Variants in TTI1 observed in about 807,000 individuals in gnomAD.
The protein encoded by TTI1 is TELO2 interacting protein 1, also known as TELO2-interacting protein 1 homolog.
TTI1 carries 52 observed loss-of-function variants against 85.4 expected under a neutral mutation model. That is an observed-to-expected ratio of 0.61 (90% CI 0.49 to 0.77). TTI1 has a LOEUF of 0.77. TTI1 is among the 30% of genes least tolerant of loss of function. The pLI is 0.00. For missense variants in TTI1, 1,173 were observed against 1,296.0 expected, an observed-to-expected ratio of 0.91 and a Z score of 1.46; for synonymous variants, 512 against 503.9, an observed-to-expected ratio of 1.02 and a Z score of -0.22.
chr20:37,998,040 C>G (rs897809940), intron 5 of TTI1, among the ~76,000 whole-genome samples: 20 of 152,278 alleles, frequency 1.3e-4, no homozygotes, highest in African/African-American at 4.8e-4. Context: ...AGCAATTCTC[C>G]TGCCTCAGCC....
At chr20:38,024,045 C>T (rs1472563027) in intron 1 of TTI1, among the ~76,000 whole-genome samples, 1 of 152,138 alleles carries the variant, frequency 6.6e-6, no homozygotes, top group Non-Finnish European at 1.5e-5. Context: ...TTGTATTACA[C>T]TAATACTATG....
chr20:38,001,409 A>G (rs1218335277), intron 4 of TTI1, among the ~76,000 whole-genome samples: 1 of 152,182 alleles, frequency 6.6e-6, no homozygotes, highest in Admixed American at 6.5e-5. Flanking sequence ...GATGTTCTTA[A>G]TAATTATGGT....
chr20:38,013,945 C>G, intron 1 of TTI1, 88 bp from the exon 2 acceptor site: 1 of 1,401,738 alleles, frequency 7.1e-7, no homozygotes, highest in African/African-American at 1.4e-5. Context: ...AGACATTTAC[C>G]TGGGGTCTAT....
chr20:37,983,558 T>C lies in TTI1; in HGVS notation c.3168A>G (p.Thr1056=). The part of the protein sequence containing the change: ...LNELYCPVQF[T]PPHPSLHPVQ... ...CAGGGTGGAGGCTGGGGTGGGGAGG[T>C]GTGAACTGCACGGGGCAGTAAAGCT... The change falls in exon 8 of 8, where the codon ACA becomes ACG. Residue 1056 remains threonine, a synonymous_variant. Transcript: ENST00000373447. The C allele has an allele frequency of 6.2e-7, 1 of 1,608,280 alleles. No individual in the cohort carries two copies. The highest frequency in any genetic ancestry group is 1.3e-5 in the African/African-American group (1 of 74,622).
rs924741230 is a variant in TTI1 at position 38,013,559 on chromosome 20, A to G, written c.258T>C (p.Cys86=). ...CCTGGAGAAGCTCCTGTTCTTTCAC[A>G]CATGTTGAAGAAAGGACAAATGTGA... The part of the protein sequence containing the change: ...ECLTFVLSST[C]VKEQELLQEL... Residue 86 remains cysteine, a synonymous_variant, in exon 2 of 8, where the codon TGT becomes TGC. Coordinates refer to ENST00000373447, the MANE Select transcript of TTI1 (RefSeq NM_001303457.2). 9 of 1,614,206 alleles carry G rather than the reference A, an allele frequency of 5.6e-6. No homozygotes were observed. The highest frequency in any genetic ancestry group is 1.3e-5 in the African/African-American group (1 of 75,038).
intron 2 of TTI1, among the ~76,000 whole-genome samples, chr20:38,006,965 T>C (rs998060349): frequency 2.6e-5 from 4 of 152,242 alleles, no homozygotes; most frequent in Admixed American, 6.5e-5. Flanking sequence ...CAATCATTTT[T>C]GTATGACAGG....
At chr20:38,020,323 A>AAAATATATATATATATATATATATAT in intron 1 of TTI1, among the ~76,000 whole-genome samples, 5 of 50,380 alleles carry the variant, frequency 9.9e-5, no homozygotes, top group African/African-American at 1.8e-4. Context: ...AAAAAAAAAA[A>AAAATATATATATATATATATATATAT]ATATATATAT....
At chr20:38,024,439 C>A (rs534139383) in intron 1 of TTI1, among the ~76,000 whole-genome samples, 4 of 152,030 alleles carry the variant, frequency 2.6e-5, no homozygotes, top group Non-Finnish European at 5.9e-5. Flanking sequence ...GACCCCAGAA[C>A]CTGGGGAGTG....
chr20:38,002,340 TA>T (rs1285643962), intron 4 of TTI1, among the ~76,000 whole-genome samples: 1 of 152,174 alleles, frequency 6.6e-6, no homozygotes, highest in African/African-American at 2.4e-5. Flanking sequence ...GCTGAGAAAA[TA>T]ATATCCTTTC....
chr20:38,007,812 G>A (rs1468735288), intron 2 of TTI1, among the ~76,000 whole-genome samples: 3 of 152,228 alleles, frequency 2.0e-5, no homozygotes, highest in Admixed American at 2.0e-4. Context: ...GTGTGAGCCG[G>A]AGGTTCCTAC....
intron 1 of TTI1, among the ~76,000 whole-genome samples, chr20:38,025,270 A>C (rs2073821855): frequency 6.6e-6 from 1 of 152,180 alleles, no homozygotes; most frequent in South Asian, 2.1e-4. Flanking sequence ...ACTCAGACTG[A>C]ATGAAAAAAG....
intron 5 of TTI1, among the ~76,000 whole-genome samples, chr20:37,998,779 G>T (rs953724287): frequency 6.6e-6 from 1 of 152,134 alleles, no homozygotes; most frequent in Non-Finnish European, 1.5e-5. Flanking sequence ...CAGCCCCTTC[G>T]CCTTGACTCC....
chr20:38,013,213 G>C lies in TTI1; in HGVS notation c.604C>G (p.Leu202Val). Residue 202 changes from leucine to valine, a missense_variant, in exon 2 of 8, where the codon CTG becomes GTG. Leu to Val is a conservative substitution (Grantham distance 32). Transcript: ENST00000373447. ...RSLDELEQKQ[L>V]GDLFASFLPG... The stretch of plus-strand genomic sequence containing the variant: ...AAAAAAGAGGCAAACAAATCCCCCA[G>C]CTGCTTTTGTTCAAGTTCATCCAAT... The C allele has an allele frequency of 6.2e-7, 1 of 1,614,078 alleles. No homozygotes were observed. Among genetic ancestry groups the C allele is most frequent in the Non-Finnish European group, 8.5e-7 (1 of 1,180,042 alleles).
At chr20:38,020,323 A>AAAAAAAAAAAAAAAAATATATATATAT in intron 1 of TTI1, among the ~76,000 whole-genome samples, 1 of 50,382 alleles carries the variant, frequency 2.0e-5, no homozygotes, top group African/African-American at 8.9e-5. Context: ...AAAAAAAAAA[A>AAAAAAAAAAAAAAAAATATATATATAT]ATATATATAT....
chr20:38,011,453 G>T, intron 2 of TTI1, 62 bp downstream of exon 2: 1 of 1,552,542 alleles, frequency 6.4e-7, no homozygotes. Context: ...ACGAGGCTAA[G>T]CAAACTAGGA....
At chr20:38,018,148 G>A (rs927108651) in intron 1 of TTI1, among the ~76,000 whole-genome samples, 1 of 152,174 alleles carries the variant, frequency 6.6e-6, no homozygotes, top group African/African-American at 2.4e-5. Flanking sequence ...ATTAGAAGCA[G>A]ACCTATGGAT....
intron 4 of TTI1, among the ~76,000 whole-genome samples, chr20:37,999,698 A>G (rs1453802259): frequency 6.6e-6 from 1 of 152,242 alleles, no homozygotes; most frequent in Non-Finnish European, 1.5e-5. Context: ...AAAAGAAGAC[A>G]CAAAGGATGA....
rs145778145 is a variant in TTI1 at position 38,008,844 on chromosome 20, T to C, written c.2303-2447A>G. ...TGAGTACTACTTCCTGTTCAAAAAG[T>C]GAGTGTATTCTGGGTTATTTCAAAA... On this transcript the variant is annotated intron_variant, in intron 2 of 7. Coordinates refer to ENST00000373447, the MANE Select transcript of TTI1 (RefSeq NM_001303457.2). Among the ~76,000 whole-genome samples the C allele has an allele frequency of 8.0e-3, 1,215 of 152,312 alleles. 6 individuals are homozygous for C. Among genetic ancestry groups the C allele is most frequent in the African/African-American group, 0.023 (949 of 41,572 alleles).
At chr20:37,998,290 G>C (rs1486651449) in intron 5 of TTI1, among the ~76,000 whole-genome samples, 1 of 151,880 alleles carries the variant, frequency 6.6e-6, no homozygotes, top group Admixed American at 6.6e-5. Context: ...TGTGCATTTT[G>C]TTTTGGGAAA....
Sources: gnomAD v4.1 joint callset for allele counts (sites outside exome capture counted in the v4.1 genomes callset) on GRCh38, gnomAD v4.1.1 for gene constraint, MANE v1.5 for transcripts, NCBI Gene and HGNC (gene_info 2026-07-23, HGNC 2026-07-21) for gene names.